Variants in NEGR1 observed in about 807,000 individuals in gnomAD.
NEGR1 encodes the protein IgLON family member 4.
NEGR1 carries 10 observed loss-of-function variants against 40.9 expected under a neutral mutation model. The observed-to-expected ratio is 0.24, with a 90% CI of 0.15 to 0.42. The LOEUF (loss-of-function observed/expected upper bound fraction) is 0.42. Ranked by LOEUF, NEGR1 falls within the 10% of genes least tolerant of loss-of-function variation. The pLI, the probability that NEGR1 is intolerant of heterozygous loss-of-function variation, is 1.00. For synonymous variants in NEGR1, 185 were observed against 166.8 expected (o/e 1.11, Z -0.84); for missense variants, 352 against 438.9 (o/e 0.80, Z 1.77).
chr1:72,078,457 C>T (rs141526462), intron 1 of NEGR1, among the ~76,000 whole-genome samples: 1 of 151,996 alleles, frequency 6.6e-6, no homozygotes, highest in African/African-American at 2.4e-5. Context: ...ACACTCTAAC[C>T]TTGAAGTCTA....
intron 2 of NEGR1, among the ~76,000 whole-genome samples, chr1:71,802,394 T>C (rs1657594247): frequency 6.6e-6 from 1 of 152,160 alleles, no homozygotes; most frequent in Non-Finnish European, 1.5e-5. Flanking sequence ...AATAGAGCTA[T>C]TCATATGTGA....
chr1:71,539,358 TC>T (rs1647614990), intron 6 of NEGR1, among the ~76,000 whole-genome samples: 1 of 151,748 alleles, frequency 6.6e-6, no homozygotes, highest in South Asian at 2.1e-4. Flanking sequence ...TTTCTATTAA[TC>T]TACTAAACAG....
intron 2 of NEGR1, among the ~76,000 whole-genome samples, chr1:71,839,874 C>G (rs1041763067): frequency 6.6e-6 from 1 of 152,114 alleles, no homozygotes; most frequent in Non-Finnish European, 1.5e-5. Flanking sequence ...CTTTGAAGGA[C>G]ATGCTGAAAC....
chr1:71,754,228 C>T (rs1027115041), intron 3 of NEGR1, among the ~76,000 whole-genome samples: 9 of 152,144 alleles, frequency 5.9e-5, no homozygotes, highest in Admixed American at 1.3e-4. Context: ...TCCTCATGCT[C>T]TCTGTGTTGG....
intron 1 of NEGR1, among the ~76,000 whole-genome samples, chr1:72,029,146 T>C (rs189540939): frequency 2.0e-5 from 3 of 152,168 alleles, no homozygotes; most frequent in African/African-American, 7.2e-5. Context: ...ACTAAACTAG[T>C]GCAAAGAAGA....
intron 2 of NEGR1, among the ~76,000 whole-genome samples, chr1:71,894,263 G>T (rs980208986): frequency 4.0e-5 from 6 of 150,902 alleles, no homozygotes; most frequent in Admixed American, 3.3e-4. Flanking sequence ...GAATGGAGAA[G>T]TCAAGAACAC....
intron 1 of NEGR1, among the ~76,000 whole-genome samples, chr1:72,177,947 C>A (rs1387776069): frequency 6.6e-6 from 1 of 151,816 alleles, no homozygotes; most frequent in Non-Finnish European, 1.5e-5. Flanking sequence ...CTTTTTAGAT[C>A]CTAAATATGG....
intron 1 of NEGR1, among the ~76,000 whole-genome samples, chr1:72,043,374 A>G (rs997865525): frequency 1.3e-5 from 2 of 151,792 alleles, no homozygotes; most frequent in Non-Finnish European, 2.9e-5. Flanking sequence ...CCTGACTGAT[A>G]TACTCACCCA....
chr1:72,245,189 T>C (rs1281257466), intron 1 of NEGR1, among the ~76,000 whole-genome samples: 1 of 152,068 alleles, frequency 6.6e-6, no homozygotes, highest in African/African-American at 2.4e-5. Context: ...TTCACCAATA[T>C]GAAACCTACA....
intron 1 of NEGR1, among the ~76,000 whole-genome samples, chr1:72,002,638 G>A: frequency 6.6e-6 from 1 of 152,124 alleles, no homozygotes; most frequent in East Asian, 1.9e-4. Context: ...GAATTAGGTG[G>A]TAGAGTGTTA....
chr1:71,931,968 A>C (rs1645859342), intron 2 of NEGR1, among the ~76,000 whole-genome samples: 1 of 152,206 alleles, frequency 6.6e-6, no homozygotes, highest in African/African-American at 2.4e-5. Flanking sequence ...ATTTATCAAA[A>C]CCATGTTATA....
intron 6 of NEGR1, among the ~76,000 whole-genome samples, chr1:71,420,374 AC>A (rs1646386438): frequency 3.3e-5 from 5 of 152,088 alleles, no homozygotes; most frequent in Admixed American, 2.6e-4. Context: ...ACCAGTAATC[AC>A]ATTATTTATT....
chr1:71,594,142 G>T (rs184272967), intron 5 of NEGR1, among the ~76,000 whole-genome samples: 88 of 152,214 alleles, frequency 5.8e-4, no homozygotes, highest in African/African-American at 9.2e-4. Context: ...ACCTCTTCAA[G>T]AAATTATCTC....
chr1:72,265,292 T>C (rs1033685366), intron 1 of NEGR1, among the ~76,000 whole-genome samples: 19 of 150,994 alleles, frequency 1.3e-4, no homozygotes, highest in African/African-American at 4.4e-4. Flanking sequence ...ATTAGGAAGA[T>C]AGTTTTGTTA....
intron 1 of NEGR1, among the ~76,000 whole-genome samples, chr1:72,111,586 T>G (rs543429395): frequency 3.3e-5 from 5 of 151,776 alleles, no homozygotes; most frequent in African/African-American, 7.2e-5. Flanking sequence ...AGATACAACA[T>G]GGATTCACAA....
chr1:71,690,516 A>T (rs1653220541), intron 4 of NEGR1, among the ~76,000 whole-genome samples: 1 of 150,840 alleles, frequency 6.6e-6, no homozygotes, highest in South Asian at 2.1e-4. Flanking sequence ...TTATTAGAAC[A>T]TGAATCTAGA....
chr1:71,748,780 T>G (rs545728548), intron 3 of NEGR1, among the ~76,000 whole-genome samples: 1 of 152,172 alleles, frequency 6.6e-6, no homozygotes, highest in African/African-American at 2.4e-5. Context: ...CACTTTGGCA[T>G]GAAAAAATGG....
At chr1:71,689,240 C>G (rs954045524) in intron 4 of NEGR1, among the ~76,000 whole-genome samples, 2 of 152,144 alleles carry the variant, frequency 1.3e-5, no homozygotes, top group African/African-American at 4.8e-5. Flanking sequence ...AATCATTTGA[C>G]TGAAGCCAAA....
chr1:71,617,543 GT>G (rs1178604352), intron 4 of NEGR1, among the ~76,000 whole-genome samples: 1 of 152,196 alleles, frequency 6.6e-6, no homozygotes, highest in Non-Finnish European at 1.5e-5. Flanking sequence ...GTTATTTTGT[GT>G]TGGTATATGC....
Sources: gnomAD v4.1 joint callset for allele counts (sites outside exome capture counted in the v4.1 genomes callset) on GRCh38, gnomAD v4.1.1 for gene constraint, MANE v1.5 for transcripts, NCBI Gene and HGNC (gene_info 2026-07-23, HGNC 2026-07-21) for gene names.